CTNND2: variants seen among roughly 807,000 people sequenced by gnomAD.
CTNND2 encodes catenin delta-2.
Under a neutral mutation model 144.4 loss-of-function variants are expected in CTNND2, and 22 were observed. That is an observed-to-expected ratio of 0.15 (90% CI 0.11 to 0.22). The LOEUF (loss-of-function observed/expected upper bound fraction) is 0.22. Ranked by LOEUF, CTNND2 falls within the 10% of genes least tolerant of loss-of-function variation. The pLI is 1.00. For missense variants in CTNND2, 1,353 were observed against 1,618.8 expected, an observed-to-expected ratio of 0.84 and a Z score of 2.82; for synonymous variants, 751 against 695.6, an observed-to-expected ratio of 1.08 and a Z score of -1.25.
chr5:11,341,408 G>A (rs1754262397), intron 9 of CTNND2, among the ~76,000 whole-genome samples: 1 of 152,216 alleles, frequency 6.6e-6, no homozygotes, highest in African/African-American at 2.4e-5. Context: ...AAGGTTTTGG[G>A]ATTGCTATTA....
intron 7 of CTNND2, among the ~76,000 whole-genome samples, chr5:11,366,693 C>T (rs1757018085): frequency 6.9e-6 from 1 of 145,710 alleles, no homozygotes; most frequent in Non-Finnish European, 1.5e-5. Context: ...AAAAAAAAAA[C>T]AGTCATCACA....
chr5:11,739,138 T>C (rs952273354), intron 1 of CTNND2, among the ~76,000 whole-genome samples: 8 of 152,184 alleles, frequency 5.3e-5, no homozygotes, highest in African/African-American at 1.4e-4. Context: ...CAGTGAAAAG[T>C]GGAAGATCTC....
chr5:11,641,276 C>T (rs546667372), intron 2 of CTNND2, among the ~76,000 whole-genome samples: 1 of 152,178 alleles, frequency 6.6e-6, no homozygotes, highest in East Asian at 1.9e-4. Flanking sequence ...AGACATTCTG[C>T]TTTAAAGTGT....
chr5:11,522,619 C>T (rs1400981403), intron 3 of CTNND2, among the ~76,000 whole-genome samples: 3 of 152,172 alleles, frequency 2.0e-5, no homozygotes, highest in Admixed American at 6.5e-5. Flanking sequence ...CGAATGAGAC[C>T]TTCTCTGTGT....
chr5:11,769,257 G>A (rs1789779690), intron 1 of CTNND2, among the ~76,000 whole-genome samples: 1 of 152,140 alleles, frequency 6.6e-6, no homozygotes, highest in African/African-American at 2.4e-5. Flanking sequence ...TTTATGGGGT[G>A]CAAAGTTGGG....
At chr5:11,480,629 G>C (rs1768151700) in intron 3 of CTNND2, among the ~76,000 whole-genome samples, 1 of 129,332 alleles carries the variant, frequency 7.7e-6, no homozygotes, top group African/African-American at 3.1e-5. Flanking sequence ...CTTGTTCTAT[G>C]ATTTGAAAAT....
chr5:11,353,392 A>C (rs1755531948), intron 8 of CTNND2, among the ~76,000 whole-genome samples: 1 of 152,256 alleles, frequency 6.6e-6, no homozygotes, highest in South Asian at 2.1e-4. Flanking sequence ...CTGGTTAATA[A>C]AACCTACACA....
chr5:11,615,179 T>A (rs1337992573), intron 2 of CTNND2, among the ~76,000 whole-genome samples: 1 of 152,190 alleles, frequency 6.6e-6, no homozygotes, highest in East Asian at 1.9e-4. Flanking sequence ...AGTAACTACT[T>A]ACTTCCTGAG....
At chr5:11,720,748 T>C (rs1208581666) in intron 2 of CTNND2, among the ~76,000 whole-genome samples, 3 of 152,226 alleles carry the variant, frequency 2.0e-5, no homozygotes, top group African/African-American at 7.2e-5. Context: ...TGGTCTGCCA[T>C]GGAATTTTTT....
chr5:11,437,931 T>A (rs1309345467), intron 3 of CTNND2, among the ~76,000 whole-genome samples: 1 of 152,182 alleles, frequency 6.6e-6, no homozygotes, highest in Non-Finnish European at 1.5e-5. Flanking sequence ...TCTTCTGAAG[T>A]ACGAGGTCTG....
At chr5:11,823,147 A>T (rs377157522) in intron 1 of CTNND2, among the ~76,000 whole-genome samples, 2 of 152,232 alleles carry the variant, frequency 1.3e-5, no homozygotes, top group South Asian at 2.1e-4. Flanking sequence ...TTCAACAATA[A>T]TGAGAATTAT....
intron 9 of CTNND2, among the ~76,000 whole-genome samples, chr5:11,269,567 G>A (rs1446363120): frequency 6.6e-6 from 1 of 152,114 alleles, no homozygotes; most frequent in East Asian, 1.9e-4. Flanking sequence ...ACTGTAATGG[G>A]GTTGAATGAA....
chr5:11,555,244 GAAAC>G (rs1376721563), intron 3 of CTNND2, among the ~76,000 whole-genome samples: 1 of 152,188 alleles, frequency 6.6e-6, no homozygotes, highest in Non-Finnish European at 1.5e-5. Context: ...AAATGGAAGA[GAAAC>G]AGACACCTAG....
intron 9 of CTNND2, among the ~76,000 whole-genome samples, chr5:11,314,172 C>T (rs1003787405): frequency 6.6e-6 from 1 of 152,122 alleles, no homozygotes; most frequent in African/African-American, 2.4e-5. Context: ...TCTGCGGATA[C>T]CTTCCTAGGG....
chr5:11,674,933 G>A (rs1249124456), intron 2 of CTNND2, among the ~76,000 whole-genome samples: 2 of 152,086 alleles, frequency 1.3e-5, no homozygotes, highest in Non-Finnish European at 2.9e-5. Flanking sequence ...TCACCATGCT[G>A]GCCGGGCTGG....
intron 6 of CTNND2, among the ~76,000 whole-genome samples, chr5:11,394,921 T>A (rs1581102521): frequency 6.6e-6 from 1 of 152,228 alleles, no homozygotes; most frequent in Admixed American, 6.5e-5. Context: ...AAATAGAATA[T>A]TTTTGTTTTG....
At chr5:11,699,242 T>C (rs1245390499) in intron 2 of CTNND2, among the ~76,000 whole-genome samples, 3 of 152,046 alleles carry the variant, frequency 2.0e-5, no homozygotes, top group Non-Finnish European at 4.4e-5. Flanking sequence ...GGTTGTTAGA[T>C]AGGTTGGGTC....
At chr5:11,812,784 C>T (rs1792410332) in intron 1 of CTNND2, among the ~76,000 whole-genome samples, 1 of 152,146 alleles carries the variant, frequency 6.6e-6, no homozygotes, top group Non-Finnish European at 1.5e-5. Flanking sequence ...ATCAAGCTGA[C>T]TCTTAGGAGA....
intron 7 of CTNND2, among the ~76,000 whole-genome samples, chr5:11,369,642 A>G (rs2149779596): frequency 6.6e-6 from 1 of 152,354 alleles, no homozygotes; most frequent in South Asian, 2.1e-4. Flanking sequence ...AGGATGTCCT[A>G]GTGCTCAAAA....
Sources: gnomAD v4.1 joint callset for allele counts (sites outside exome capture counted in the v4.1 genomes callset) on GRCh38, gnomAD v4.1.1 for gene constraint, MANE v1.5 for transcripts, NCBI Gene and HGNC (gene_info 2026-07-23, HGNC 2026-07-21) for gene names.